SUPT3H: variants seen among roughly 807,000 people sequenced by gnomAD.
The protein encoded by SUPT3H is SPT3 homolog, SAGA and STAGA complex component.
Under a neutral mutation model 44.3 loss-of-function variants are expected in SUPT3H, and 44 were observed. That is an observed-to-expected ratio of 0.99 (90% CI 0.78 to 1.28). The LOEUF is 1.28. Among genes scored for constraint, SUPT3H ranks in the 50% most tolerant of loss-of-function variants. SUPT3H has a pLI of 0.00. For synonymous variants in SUPT3H, 124 were observed against 125.6 expected (o/e 0.99, Z 0.09); for missense variants, 380 against 387.1 (o/e 0.98, Z 0.15).
intron 2 of SUPT3H, among the ~76,000 whole-genome samples, chr6:45,169,978 G>A (rs1475843025): frequency 6.6e-6 from 1 of 152,058 alleles, no homozygotes; most frequent in African/African-American, 2.4e-5. Flanking sequence ...AGATCCACAG[G>A]GCACAGCCCC....
chr6:45,158,201 GAGATAGAT>G (rs3054762), intron 2 of SUPT3H, among the ~76,000 whole-genome samples: 6,934 of 121,822 alleles, frequency 0.057, 232 homozygotes, highest in South Asian at 0.076. Context: ...AGAAACCATA[GAGATAGAT>G]AGATAGATAG....
intron 1 of SUPT3H, among the ~76,000 whole-genome samples, chr6:45,368,773 A>G (rs1009834750): frequency 3.3e-5 from 5 of 152,186 alleles, no homozygotes; most frequent in Admixed American, 6.5e-5. Flanking sequence ...CAGAGTCTCA[A>G]TTCTAATGAT....
chr6:45,111,778 T>C (rs1800104775), intron 2 of SUPT3H, among the ~76,000 whole-genome samples: 1 of 152,016 alleles, frequency 6.6e-6, no homozygotes, highest in African/African-American at 2.4e-5. Context: ...AGCTGACATC[T>C]CACTGTAGTC....
intron 7 of SUPT3H, among the ~76,000 whole-genome samples, chr6:44,961,437 T>C (rs1776005330): frequency 1.3e-5 from 2 of 152,274 alleles, no homozygotes; most frequent in Admixed American, 6.5e-5. Context: ...TAAATATGAC[T>C]AGGAAACTAG....
At chr6:44,881,085 T>C (rs1231388518) in intron 10 of SUPT3H, among the ~76,000 whole-genome samples, 2 of 152,094 alleles carry the variant, frequency 1.3e-5, no homozygotes, top group African/African-American at 4.8e-5. Flanking sequence ...AATGCCCCAA[T>C]TAAAAGACAC....
rs1419266741 is a variant in SUPT3H at position 44,953,410 on chromosome 6, T to C, written c.701A>G (p.Asp234Gly). 1 of 1,613,704 alleles carries C rather than the reference T, an allele frequency of 6.2e-7. No individual in the cohort carries two copies. ...LAYETVAQLV[D>G]LALLVRQDMV... The stretch of plus-strand genomic sequence containing the variant: ...GTCTTGCCTCACAAGAAGAGCCAGA[T>C]CCACTAACTAGAAGACCAGAAGAAT... Residue 234 changes from aspartate to glycine, a missense_variant, in exon 9 of 11, where the codon GAT becomes GGT. Coordinates refer to ENST00000371459, the MANE Select transcript of SUPT3H (RefSeq NM_003599.4).
chr6:45,242,612 A>G (rs1770574839), intron 2 of SUPT3H, among the ~76,000 whole-genome samples: 1 of 152,216 alleles, frequency 6.6e-6, no homozygotes, highest in African/African-American at 2.4e-5. Flanking sequence ...GCCCTAGAGT[A>G]AAAAGTATTC....
Position 45,328,327 on chromosome 6 carries a change from T to C in SUPT3H, c.101+36874A>G, listed in dbSNP as rs567427002. 4.4e-6 allele frequency: 6 copies of C among 1,373,978 alleles called. No individual in the cohort carries two copies. The East Asian group carries it at 2.7e-4, about 62-fold the overall frequency. The allele number at this position is 1,373,978 out of a possible 1,614,324, so 85.1% of individuals were successfully genotyped here. On this transcript the variant is annotated intron_variant, in intron 2 of 10. Coordinates refer to ENST00000371459, the MANE Select transcript of SUPT3H (RefSeq NM_003599.4). ...TTGCTTTTTTGGATTGTGTGAATGC[T>C]TCATTCGCCTCACAAACAACCACAG... is the stretch of plus-strand genomic sequence containing the variant.
At chr6:45,244,897 C>T (rs1771065484) in intron 2 of SUPT3H, among the ~76,000 whole-genome samples, 1 of 152,008 alleles carries the variant, frequency 6.6e-6, no homozygotes, top group Non-Finnish European at 1.5e-5. Flanking sequence ...TAAATCTATA[C>T]TAAATAAATG....
chr6:45,054,261 A>G (rs1380801817), intron 3 of SUPT3H, among the ~76,000 whole-genome samples: 1 of 152,104 alleles, frequency 6.6e-6, no homozygotes, highest in Non-Finnish European at 1.5e-5. Flanking sequence ...AGGCCACAAA[A>G]GAATTCTCTG....
At chr6:45,077,940 A>C (rs1304400436) in intron 3 of SUPT3H, among the ~76,000 whole-genome samples, 1 of 151,892 alleles carries the variant, frequency 6.6e-6, no homozygotes, top group Non-Finnish European at 1.5e-5. Context: ...TAAAAACAGA[A>C]ATTAAACAAA....
chr6:45,117,263 A>C (rs1397792266), intron 2 of SUPT3H, among the ~76,000 whole-genome samples: 4 of 152,106 alleles, frequency 2.6e-5, no homozygotes, highest in African/African-American at 4.8e-5. Context: ...GTGGGCTGGG[A>C]AGAGTTGATC....
At chr6:45,142,030 T>A (rs1246354461) in intron 2 of SUPT3H, among the ~76,000 whole-genome samples, 2 of 152,150 alleles carry the variant, frequency 1.3e-5, no homozygotes, top group Non-Finnish European at 2.9e-5. Flanking sequence ...ATTTCCCCTG[T>A]AAGATTAACA....
chr6:45,113,827 C>CAAA (rs374606230), intron 2 of SUPT3H, among the ~76,000 whole-genome samples: 87 of 112,708 alleles, frequency 7.7e-4, no homozygotes, highest in East Asian at 2.2e-3. Context: ...AAGACTCCAT[C>CAAA]AAAAAAAAAA....
At chr6:45,015,797 G>GCA (rs975618953) in intron 4 of SUPT3H, among the ~76,000 whole-genome samples, 194 of 144,838 alleles carry the variant, frequency 1.3e-3, no homozygotes, top group African/African-American at 2.0e-3. Flanking sequence ...ACACGCGCGC[G>GCA]CACACACACA....
chr6:45,077,486 G>T (rs910767799), intron 3 of SUPT3H, among the ~76,000 whole-genome samples: 4 of 152,018 alleles, frequency 2.6e-5, no homozygotes, highest in Admixed American at 6.5e-5. Context: ...AACTAGCCAG[G>T]TGTGGTGGCC....
At chr6:44,895,213 G>A (rs983561755) in intron 10 of SUPT3H, among the ~76,000 whole-genome samples, 1 of 149,482 alleles carries the variant, frequency 6.7e-6, no homozygotes, top group Non-Finnish European at 1.5e-5. Context: ...ATAACTATAT[G>A]GAATAATAAT....
rs545711182 is a variant in SUPT3H, at chr6:44,961,173, G to A, written c.580+580C>T. Among the ~76,000 whole-genome samples the A allele has an allele frequency of 2.6e-5, 4 of 152,210 alleles. No homozygotes were observed. The South Asian group carries it at 8.3e-4, about 32-fold the overall frequency. ...ACGAGTCATTATACACTTTCAATAA[G>A]CTGATGTGCAGTGATGTGAAAGTAC... On this transcript the variant is annotated intron_variant, in intron 7 of 10. Coordinates refer to ENST00000371459, the MANE Select transcript of SUPT3H (RefSeq NM_003599.4).
chr6:45,334,724 A>G (rs1226277344), intron 2 of SUPT3H, among the ~76,000 whole-genome samples: 2 of 151,228 alleles, frequency 1.3e-5, no homozygotes, highest in African/African-American at 4.8e-5. Context: ...CATTCACACC[A>G]ATGACTACAG....
Sources: allele counts gnomAD v4.1 joint callset (sites outside exome capture counted in the v4.1 genomes callset), GRCh38; gene constraint gnomAD v4.1.1; transcripts MANE v1.5; gene names NCBI Gene and HGNC (gene_info 2026-07-23, HGNC 2026-07-21).